Variants in WWOX observed in about 807,000 individuals in gnomAD.
WWOX encodes WW domain containing oxidoreductase, also known as WW domain-containing oxidoreductase.
Under a neutral mutation model 46.2 loss-of-function variants are expected in WWOX, and 69 were observed. That is an observed-to-expected ratio of 1.49 (90% CI 1.23 to 1.82). The LOEUF (loss-of-function observed/expected upper bound fraction) is 1.82. WWOX is among the 40% of genes most tolerant of loss of function. The pLI is 0.00. For missense variants in WWOX, 919 were observed against 542.6 expected (o/e 1.69, Z -6.89); for synonymous variants, 359 against 202.6 (o/e 1.77, Z -6.56).
chr16:78,691,966 T>C lies in WWOX; in HGVS notation c.1056+259214T>C, dbSNP rs13337288. ...AATAAGTCTCATGAGATCTGATGGG[T>C]GTATCAGGAGTTTCCGCTTTTGCTT... On this transcript the variant is annotated intron_variant, in intron 8 of 8. Coordinates refer to ENST00000566780, the MANE Select transcript of WWOX (RefSeq NM_016373.4). Among the ~76,000 whole-genome samples the C allele has an allele frequency of 5.9e-3, 898 of 152,234 alleles. 12 individuals are homozygous for C. The highest frequency in any genetic ancestry group is 0.021 in the African/African-American group (872 of 41,536).
chr16:78,827,615 C>T (rs1017007107), intron 8 of WWOX, among the ~76,000 whole-genome samples: 1 of 151,596 alleles, frequency 6.6e-6, no homozygotes, highest in South Asian at 2.1e-4. Context: ...GGTGGGTCAC[C>T]TGAGGTCAGG....
At chr16:78,590,460 A>G (rs960311197) in intron 8 of WWOX, among the ~76,000 whole-genome samples, 6 of 152,224 alleles carry the variant, frequency 3.9e-5, no homozygotes, top group Admixed American at 1.3e-4. Context: ...TGAGCTGCTC[A>G]CTGATAAATA....
Position 78,612,716 on chromosome 16 carries a change from A to C in WWOX, c.1056+179964A>C, listed in dbSNP as rs554366877. 1.7e-3 allele frequency among the ~76,000 whole-genome samples: 265 copies of C among 152,228 alleles called. 1 individual carries two copies. The highest frequency in any genetic ancestry group is 6.3e-3 in the African/African-American group (260 of 41,544). On this transcript the variant is annotated intron_variant, in intron 8 of 8. Coordinates refer to ENST00000566780, the MANE Select transcript of WWOX (RefSeq NM_016373.4). Reference sequence around the variant, plus strand: ...TCTCAAACTCCTGGCCTCTCAAGCCATCCTCCAGCCTCAGCCTCCCAAAGT... The same window carrying C: ...TCTCAAACTCCTGGCCTCTCAAGCCCTCCTCCAGCCTCAGCCTCCCAAAGT...
intron 8 of WWOX, among the ~76,000 whole-genome samples, chr16:78,459,986 T>A (rs1202393697): frequency 6.6e-6 from 1 of 151,224 alleles, no homozygotes; most frequent in Non-Finnish European, 1.5e-5. Context: ...TTGTATTATT[T>A]ATAGAGTTGG....
At chr16:78,654,218 T>C (rs1037167384) in intron 8 of WWOX, among the ~76,000 whole-genome samples, 3 of 151,882 alleles carry the variant, frequency 2.0e-5, no homozygotes, top group African/African-American at 7.2e-5. Context: ...TGAATAGAGC[T>C]CACAGCCCTG....
intron 8 of WWOX, among the ~76,000 whole-genome samples, chr16:78,969,357 T>G (rs2062902): frequency 1.3e-5 from 2 of 151,326 alleles, no homozygotes; most frequent in South Asian, 2.1e-4. Context: ...GCACCCTCCA[T>G]CTCCCTGGTT....
intron 8 of WWOX, among the ~76,000 whole-genome samples, chr16:78,939,006 G>A (rs933630878): frequency 2.0e-5 from 3 of 152,152 alleles, no homozygotes; most frequent in Non-Finnish European, 2.9e-5. Context: ...TGATGTGGAT[G>A]GAAAGGTTTT....
chr16:78,230,113 C>G (rs908309633), intron 5 of WWOX, among the ~76,000 whole-genome samples: 4 of 152,114 alleles, frequency 2.6e-5, no homozygotes, highest in Non-Finnish European at 5.9e-5. Context: ...CTCCTGGGCT[C>G]TAGCAATCCT....
intron 8 of WWOX, among the ~76,000 whole-genome samples, chr16:78,838,255 A>C (rs1168838870): frequency 1.3e-5 from 2 of 152,116 alleles, no homozygotes; most frequent in African/African-American, 4.8e-5. Flanking sequence ...CCAGGAAGCA[A>C]AGCGAGCGTC....
intron 8 of WWOX, among the ~76,000 whole-genome samples, chr16:78,769,864 AAAAAAT>A (rs1168820187): frequency 7.3e-5 from 11 of 151,548 alleles, no homozygotes; most frequent in Middle Eastern, 3.4e-3. Context: ...AAATAAAATA[AAAAAAT>A]AAAAATAAAA....
At chr16:78,853,320 A>G (rs1044849827) in intron 8 of WWOX, among the ~76,000 whole-genome samples, 2 of 152,082 alleles carry the variant, frequency 1.3e-5, no homozygotes, top group Admixed American at 6.6e-5. Flanking sequence ...TCCTGGGTTC[A>G]AGCAATTCTT....
chr16:78,297,675 T>A (rs1456658967), intron 5 of WWOX, among the ~76,000 whole-genome samples: 1 of 152,148 alleles, frequency 6.6e-6, no homozygotes, highest in Non-Finnish European at 1.5e-5. Context: ...AGCACCGGAC[T>A]GATGCAGTGT....
intron 1 of WWOX, among the ~76,000 whole-genome samples, chr16:78,107,713 T>G (rs2032240082): frequency 6.6e-6 from 1 of 152,176 alleles, no homozygotes; most frequent in African/African-American, 2.4e-5. Flanking sequence ...CACGGGCTTC[T>G]AGTCCCAGCC....
At chr16:78,898,094 C>G (rs1597122287) in intron 8 of WWOX, 1 of 151,424 alleles carries the variant, frequency 6.6e-6, no homozygotes, top group East Asian at 1.9e-4. Flanking sequence ...GAATTTTCTC[C>G]TTTGTCTTGT....
chr16:78,686,427 T>C (rs1597444975), intron 8 of WWOX, among the ~76,000 whole-genome samples: 1 of 151,714 alleles, frequency 6.6e-6, no homozygotes, highest in South Asian at 2.1e-4. Flanking sequence ...AGGAGAATGG[T>C]GTCAACCCGG....
chr16:78,145,600 C>T (rs983485451), intron 4 of WWOX, among the ~76,000 whole-genome samples: 5 of 152,124 alleles, frequency 3.3e-5, no homozygotes, highest in African/African-American at 1.2e-4. Context: ...TCTCTTCATC[C>T]GCTGACTTAA....
chr16:78,745,200 A>G (rs2049320293), intron 8 of WWOX, among the ~76,000 whole-genome samples: 1 of 152,150 alleles, frequency 6.6e-6, no homozygotes, highest in Admixed American at 6.5e-5. Context: ...TCCTGGAAGA[A>G]CTCAGTATTA....
rs2048213613 is a variant in WWOX, at chr16:78,701,414, C to G, written c.1056+268662C>G. On this transcript the variant is annotated intron_variant, in intron 8 of 8. Coordinates refer to ENST00000566780, the MANE Select transcript of WWOX (RefSeq NM_016373.4). ...TTTTGATCTTCTGAAGTCACCCCCT[C>G]CATCTGACAGGAGGTTGAAGGTCCG... Among the ~76,000 whole-genome samples, 3 of 152,092 alleles carry G rather than the reference C, an allele frequency of 2.0e-5. No homozygotes were observed. In the South Asian group the frequency reaches 6.2e-4, roughly 32 times the overall value.
At chr16:78,591,115 T>C (rs1243990131) in intron 8 of WWOX, among the ~76,000 whole-genome samples, 1 of 152,174 alleles carries the variant, frequency 6.6e-6, no homozygotes, top group East Asian at 1.9e-4. Flanking sequence ...TTCTCTGAGA[T>C]TGTCTGTCAG....
Sources: gnomAD v4.1 joint callset for allele counts (sites outside exome capture counted in the v4.1 genomes callset) on GRCh38, gnomAD v4.1.1 for gene constraint, MANE v1.5 for transcripts, NCBI Gene and HGNC (gene_info 2026-07-23, HGNC 2026-07-21) for gene names.